Variants in PPM1H observed in about 807,000 individuals in gnomAD.
PPM1H encodes protein phosphatase 1H.
Under a neutral mutation model 54.9 loss-of-function variants are expected in PPM1H, and 27 were observed. The observed-to-expected ratio is 0.49, with a 90% CI of 0.36 to 0.68. PPM1H has a LOEUF of 0.68. Ranked by LOEUF, PPM1H falls within the 30% of genes least tolerant of loss-of-function variation. The probability of loss-of-function intolerance (pLI) is 0.00; values close to 1 mark genes in which losing one functional copy is unlikely to be tolerated. For missense variants in PPM1H, 596 were observed against 667.8 expected (o/e 0.89, Z 1.19); for synonymous variants, 305 against 270.8 (o/e 1.13, Z -1.24).
chr12:62,795,630 G>C (rs993365008), intron 3 of PPM1H, among the ~76,000 whole-genome samples: 2 of 152,020 alleles, frequency 1.3e-5, no homozygotes, highest in African/African-American at 4.8e-5. Context: ...ATTTTTAGTA[G>C]AGACGGGGTT....
intron 4 of PPM1H, among the ~76,000 whole-genome samples, chr12:62,748,236 C>A (rs953914869): frequency 2.0e-5 from 3 of 151,132 alleles, no homozygotes; most frequent in African/African-American, 7.3e-5. Flanking sequence ...GAGCGAGACT[C>A]CGTCTCAAAA....
intron 2 of PPM1H, among the ~76,000 whole-genome samples, chr12:62,825,416 G>A (rs1031184251): frequency 3.1e-4 from 47 of 152,214 alleles, no homozygotes; most frequent in African/African-American, 8.7e-4. Context: ...TCATGCTACC[G>A]TAAAGACACA....
chr12:62,735,825 A>G (rs2076346681), intron 5 of PPM1H, among the ~76,000 whole-genome samples: 1 of 152,216 alleles, frequency 6.6e-6, no homozygotes, highest in African/African-American at 2.4e-5. Flanking sequence ...AACAGAAAAG[A>G]AAGAAAAGGC....
At chr12:62,748,862 T>G (rs1430982241) in intron 4 of PPM1H, among the ~76,000 whole-genome samples, 1 of 152,194 alleles carries the variant, frequency 6.6e-6, no homozygotes, top group African/African-American at 2.4e-5. Flanking sequence ...TGTCTTTAAC[T>G]CTGGGCCCTG....
chr12:62,784,038 A>C (rs1455878537), intron 4 of PPM1H, among the ~76,000 whole-genome samples: 1 of 152,144 alleles, frequency 6.6e-6, no homozygotes, highest in Non-Finnish European at 1.5e-5. Flanking sequence ...TTTTTGCTTG[A>C]AGTGAAAATC....
intron 6 of PPM1H, among the ~76,000 whole-genome samples, chr12:62,712,062 T>C (rs745979625): frequency 6.6e-6 from 1 of 152,206 alleles, no homozygotes; most frequent in African/African-American, 2.4e-5. Flanking sequence ...AACATGCACA[T>C]AGCAAATAAC....
chr12:62,660,193 A>T (rs1214007726), intron 9 of PPM1H, among the ~76,000 whole-genome samples: 1 of 152,242 alleles, frequency 6.6e-6, no homozygotes, highest in Non-Finnish European at 1.5e-5. Flanking sequence ...GAGCCTCCCA[A>T]GGAGACATCC....
rs573456890 is a variant in PPM1H at position 62,678,849 on chromosome 12, C to G, written c.1245+10850G>C. ...GGGATTACAGGCATGCACCACCATGCCTAATTTTTGTATTTTTAGTAGAGA... is the reference window on the plus strand; with the variant it reads ...GGGATTACAGGCATGCACCACCATGGCTAATTTTTGTATTTTTAGTAGAGA... On this transcript the variant is annotated intron_variant, in intron 8 of 9. Transcript: ENST00000228705. Among the ~76,000 whole-genome samples, 94 of 152,162 alleles carry G rather than the reference C, an allele frequency of 6.2e-4. 1 individual carries two copies. Among genetic ancestry groups the G allele is most frequent in the African/African-American group, 2.2e-3 (92 of 41,530 alleles).
At chr12:62,885,564 C>T (rs945587472) in intron 1 of PPM1H, among the ~76,000 whole-genome samples, 1 of 152,096 alleles carries the variant, frequency 6.6e-6, no homozygotes, top group Admixed American at 6.5e-5. Context: ...ATTCACAAGT[C>T]CTGCCCACAC....
At chr12:62,930,607 A>T (rs1872102742) in intron 1 of PPM1H, among the ~76,000 whole-genome samples, 1 of 152,186 alleles carries the variant, frequency 6.6e-6, no homozygotes, top group South Asian at 2.1e-4. Context: ...TAAAAAAAGA[A>T]AAAAAGCCAA....
chr12:62,735,370 C>T (rs1484571838), intron 5 of PPM1H, among the ~76,000 whole-genome samples: 2 of 151,952 alleles, frequency 1.3e-5, no homozygotes, highest in African/African-American at 4.8e-5. Flanking sequence ...CATCACCATG[C>T]CTGGCTAATT....
chr12:62,776,480 T>C (rs988177943), intron 4 of PPM1H, among the ~76,000 whole-genome samples: 4 of 152,242 alleles, frequency 2.6e-5, no homozygotes, highest in Admixed American at 1.3e-4. Context: ...GTTTTTTTGA[T>C]CATAGCTACG....
intron 1 of PPM1H, among the ~76,000 whole-genome samples, chr12:62,927,657 C>T (rs1231073594): frequency 2.1e-5 from 3 of 144,012 alleles, no homozygotes; most frequent in South Asian, 2.2e-4. Flanking sequence ...AGCGAAACTC[C>T]GTCTCAAAAA....
chr12:62,872,182 T>A (rs1442987481), intron 1 of PPM1H, among the ~76,000 whole-genome samples: 1 of 152,228 alleles, frequency 6.6e-6, no homozygotes, highest in Non-Finnish European at 1.5e-5. Context: ...AAATCTCACA[T>A]ATCTAAGGAA....
chr12:62,693,854 C>G, intron 7 of PPM1H, 82 bp downstream of exon 7: 4 of 1,256,350 alleles, frequency 3.2e-6, no homozygotes, highest in Non-Finnish European at 4.6e-6. Context: ...CTGAGTGGAA[C>G]ACACGGACTG....
At chr12:62,815,848 C>CT (rs1326141198) in intron 2 of PPM1H, among the ~76,000 whole-genome samples, 1 of 151,774 alleles carries the variant, frequency 6.6e-6, no homozygotes, top group Admixed American at 6.6e-5. Context: ...AATCAGAGGG[C>CT]TTTTTTTTCT....
chr12:62,802,152 C>T lies in PPM1H; in HGVS notation c.420G>A (p.Glu140=). The T allele has an allele frequency of 6.4e-7, 1 of 1,564,586 alleles. No homozygotes were observed. Among genetic ancestry groups the T allele is most frequent in the African/African-American group, 1.4e-5 (1 of 74,032 alleles). ...GCGACCAATAGTGGCAGGAAACACC[C>T]TCGGATTCCTGTGGGAGAGGACGAC... The part of the protein sequence containing the change: ...GLQLKENSES[E]GVSCHYWSLF... Residue 140 remains glutamate, a synonymous_variant, in exon 3 of 10, where the codon GAG becomes GAA. Coordinates refer to ENST00000228705, the MANE Select transcript of PPM1H (RefSeq NM_020700.2).
intron 1 of PPM1H, among the ~76,000 whole-genome samples, chr12:62,915,092 C>A (rs1439392516): frequency 2.6e-5 from 4 of 152,216 alleles, no homozygotes; most frequent in African/African-American, 9.7e-5. Context: ...TGATGACATA[C>A]AAGGGCGTTC....
chr12:62,838,870 G>A (rs1337854924), intron 1 of PPM1H, among the ~76,000 whole-genome samples: 3 of 86,022 alleles, frequency 3.5e-5, no homozygotes, highest in Non-Finnish European at 6.4e-5. Flanking sequence ...GCAGTGAGCC[G>A]AGATCGCGCC....
Sources: gnomAD v4.1 joint callset for allele counts (sites outside exome capture counted in the v4.1 genomes callset) on GRCh38, gnomAD v4.1.1 for gene constraint, MANE v1.5 for transcripts, NCBI Gene and HGNC (gene_info 2026-07-23, HGNC 2026-07-21) for gene names.